XIRP2: variants seen among roughly 807,000 people sequenced by gnomAD.
XIRP2 encodes xin actin binding repeat containing 2, also known as xin actin-binding repeat-containing protein 2.
A neutral mutation model predicts 277.0 loss-of-function variants in XIRP2; 236 were observed. The observed-to-expected ratio is 0.85, with a 90% CI of 0.77 to 0.95. The LOEUF is 0.95. XIRP2 is among the 40% of genes least tolerant of loss of function. XIRP2 has a pLI of 0.00. For synonymous variants in XIRP2, 1,490 were observed against 1,416.5 expected (o/e 1.05, Z -1.17); for missense variants, 4,640 against 4,157.5 (o/e 1.12, Z -3.19).
intron 2 of XIRP2, among the ~76,000 whole-genome samples, chr2:167,004,197 A>G: frequency 6.6e-6 from 1 of 152,022 alleles, no homozygotes; most frequent in East Asian, 1.9e-4. Context: ...ATGATTATTT[A>G]TTAAGTGCCC....
chr2:167,213,903 G>A (rs1694137094), intron 4 of XIRP2, among the ~76,000 whole-genome samples: 1 of 151,960 alleles, frequency 6.6e-6, no homozygotes, highest in Admixed American at 6.6e-5. Context: ...ATAGTACCAG[G>A]GGTAGCAGGA....
intron 2 of XIRP2, among the ~76,000 whole-genome samples, chr2:166,908,585 A>G (rs1684600719): frequency 6.6e-6 from 1 of 152,196 alleles, no homozygotes; most frequent in African/African-American, 2.4e-5. Flanking sequence ...CTCTGATGGT[A>G]GTTTCTTTTG....
chr2:167,044,677 A>C (rs1191996306), intron 2 of XIRP2, among the ~76,000 whole-genome samples: 4 of 152,042 alleles, frequency 2.6e-5, no homozygotes, highest in Non-Finnish European at 5.9e-5. Flanking sequence ...TACAATAACC[A>C]CAAAAAGAAT....
chr2:166,892,725 G>GT (rs1326757461), intron 1 of XIRP2, among the ~76,000 whole-genome samples: 3 of 151,142 alleles, frequency 2.0e-5, no homozygotes, highest in African/African-American at 7.3e-5. Context: ...CCTTTGATGG[G>GT]TTACTTGACA....
At chr2:167,211,802 A>G (rs968776424) in intron 4 of XIRP2, among the ~76,000 whole-genome samples, 7 of 152,234 alleles carry the variant, frequency 4.6e-5, no homozygotes, top group African/African-American at 1.4e-4. Flanking sequence ...AGGAAACTGC[A>G]GGATTCAGTA....
At chr2:167,068,757 G>A (rs1200238506) in intron 2 of XIRP2, among the ~76,000 whole-genome samples, 1 of 152,142 alleles carries the variant, frequency 6.6e-6, no homozygotes, top group African/African-American at 2.4e-5. Flanking sequence ...CCATGGCCCA[G>A]GGGTCGCATG....
intron 3 of XIRP2, among the ~76,000 whole-genome samples, chr2:167,146,792 A>T (rs2105328108): frequency 6.6e-6 from 1 of 152,228 alleles, no homozygotes; most frequent in East Asian, 1.9e-4. Context: ...ATAGTAAATA[A>T]AAAGGGTCTA....
Position 167,074,604 on chromosome 2 carries a change from CTG to C in XIRP2, c.409-61288_409-61287del, listed in dbSNP as rs199933269. 2.4e-4 allele frequency among the ~76,000 whole-genome samples: 36 copies of C among 147,438 alleles called. 2 individuals are homozygous for C. The South Asian group carries it at 5.0e-3, about 20-fold the overall frequency. The stretch of plus-strand genomic sequence containing the variant: ...AAGCATCAGAAGTCCTGGTTTCTTT[CTG>C]TGTGTGTGTGTGTGTGCATGTGTGT... On this transcript the variant is annotated intron_variant, in intron 2 of 10. Transcript: ENST00000409195.
At chr2:167,129,641 C>G (rs1691314370) in intron 2 of XIRP2, among the ~76,000 whole-genome samples, 1 of 151,924 alleles carries the variant, frequency 6.6e-6, no homozygotes, top group Non-Finnish European at 1.5e-5. Context: ...GAGGCCGAGG[C>G]AAGTGGATCA....
chr2:167,148,843 T>C (rs899968198), intron 3 of XIRP2, among the ~76,000 whole-genome samples: 2 of 152,000 alleles, frequency 1.3e-5, no homozygotes, highest in Non-Finnish European at 2.9e-5. Context: ...GGAAATCCAC[T>C]GAGACTGAGA....
intron 8 of XIRP2, 71 bp downstream of exon 8, chr2:167,241,981 T>G: frequency 3.4e-6 from 5 of 1,458,550 alleles, no homozygotes; most frequent in Non-Finnish European, 4.5e-6. Context: ...ATTTTCAAAT[T>G]ATTGAATACT....
intron 2 of XIRP2, among the ~76,000 whole-genome samples, chr2:167,088,120 G>A (rs1158169890): frequency 1.3e-5 from 2 of 152,104 alleles, no homozygotes; most frequent in South Asian, 2.1e-4. Flanking sequence ...GTATAGTTGA[G>A]CAAAATCATG....
intron 2 of XIRP2, among the ~76,000 whole-genome samples, chr2:166,955,386 A>T (rs1240429939): frequency 2.6e-5 from 4 of 151,748 alleles, no homozygotes; most frequent in Non-Finnish European, 5.9e-5. Flanking sequence ...CAGAAAGAAG[A>T]CTGTTAGTTG....
At chr2:167,131,344 T>A (rs1337571702) in intron 2 of XIRP2, among the ~76,000 whole-genome samples, 1 of 152,136 alleles carries the variant, frequency 6.6e-6, no homozygotes, top group Non-Finnish European at 1.5e-5. Flanking sequence ...TTGAGTTAGC[T>A]TTTCAACATA....
intron 5 of XIRP2, among the ~76,000 whole-genome samples, chr2:167,233,565 G>A (rs776385608): frequency 4.0e-5 from 6 of 151,814 alleles, no homozygotes; most frequent in Admixed American, 6.6e-5. Flanking sequence ...ACAATAGATA[G>A]CATTGGTAGG....
At chr2:167,154,585 T>C (rs1692126025) in intron 3 of XIRP2, among the ~76,000 whole-genome samples, 1 of 152,038 alleles carries the variant, frequency 6.6e-6, no homozygotes, top group South Asian at 2.1e-4. Flanking sequence ...AATTTTTGTA[T>C]AAAGTGTAAG....
In XIRP2 at chr2:166,903,842, G is replaced by A. The variant is rs747847222; in HGVS notation, c.360G>A (p.Val120=). The A allele has an allele frequency of 1.9e-6, 3 of 1,613,632 alleles. No individual in the cohort carries two copies. Among genetic ancestry groups the A allele is most frequent in the Non-Finnish European group, 2.5e-6 (3 of 1,179,708 alleles). Residue 120 remains valine, a synonymous_variant, in exon 2 of 11, where the codon GTG becomes GTA. Transcript: ENST00000409195. The part of the protein sequence containing the change: ...FSIALDELRS[V]FEAPKSGNKP... ...TTGCCCTTGATGAGCTGAGGAGTGT[G>A]TTTGAGGCTCCTAAGAGTGGAAACA...
intron 2 of XIRP2, among the ~76,000 whole-genome samples, chr2:166,924,019 C>T (rs1418077881): frequency 2.0e-5 from 3 of 151,786 alleles, no homozygotes; most frequent in African/African-American, 7.3e-5. Context: ...TCAGACTAAG[C>T]AAAGACAGAT....
intron 2 of XIRP2, among the ~76,000 whole-genome samples, chr2:166,996,390 G>C (rs917231178): frequency 1.1e-4 from 16 of 152,164 alleles, no homozygotes; most frequent in African/African-American, 3.9e-4. Flanking sequence ...CAGCACTTTG[G>C]GTGGCCGAGG....
Sources: gnomAD v4.1 joint callset for allele counts (sites outside exome capture counted in the v4.1 genomes callset) on GRCh38, gnomAD v4.1.1 for gene constraint, MANE v1.5 for transcripts, NCBI Gene and HGNC (gene_info 2026-07-23, HGNC 2026-07-21) for gene names.